The following CTNNA2 variants were observed in gnomAD, a reference collection of about 807,000 sequenced individuals.
CTNNA2 encodes the protein catenin alpha-2.
CTNNA2 carries 42 observed loss-of-function variants against 101.0 expected under a neutral mutation model. That is an observed-to-expected ratio of 0.42 (90% CI 0.32 to 0.54). The LOEUF is 0.54. Ranked by LOEUF, CTNNA2 falls within the 20% of genes least tolerant of loss-of-function variation. The pLI is 0.14. For missense variants in CTNNA2, 871 were observed against 1,223.1 expected (o/e 0.71, Z 4.29); for synonymous variants, 450 against 456.4 (o/e 0.99, Z 0.18).
chr2:79,422,511 G>C (rs964578389), intron 4 of CTNNA2, among the ~76,000 whole-genome samples: 5 of 152,134 alleles, frequency 3.3e-5, no homozygotes, highest in African/African-American at 1.2e-4. Context: ...AGAGGGAGCA[G>C]TCTTCCATGG....
intron 7 of CTNNA2, among the ~76,000 whole-genome samples, chr2:80,043,934 C>G (rs750052669): frequency 3.3e-5 from 5 of 152,082 alleles, no homozygotes; most frequent in Non-Finnish European, 7.3e-5. Flanking sequence ...TGCATGTATG[C>G]ACACTCATGT....
At chr2:79,626,456 C>T (rs1310786387) in intron 1 of CTNNA2, among the ~76,000 whole-genome samples, 1 of 152,128 alleles carries the variant, frequency 6.6e-6, no homozygotes, top group Non-Finnish European at 1.5e-5. Flanking sequence ...GTTCCGTTCA[C>T]CAAACTCTGA....
At position 79,984,303 on chromosome 2, in the gene CTNNA2, T is replaced by C. The variant is rs59842650; in HGVS notation, c.1056+74506T>C. Among the ~76,000 whole-genome samples the C allele has an allele frequency of 1.6e-4, 24 of 152,302 alleles. No individual in the cohort carries two copies. The East Asian group carries it at 3.7e-3, about 23-fold the overall frequency. On this transcript the variant is annotated intron_variant, in intron 7 of 18. Coordinates refer to ENST00000402739, the MANE Select transcript of CTNNA2 (RefSeq NM_001282597.3). ...ATTTTTTTCCCCACTGTCTCCACAT[T>C]GAGCAAGTTAGTGTTGTTCTGAGAA...
chr2:80,163,485 A>T (rs912487792), intron 7 of CTNNA2, among the ~76,000 whole-genome samples: 3 of 151,798 alleles, frequency 2.0e-5, no homozygotes, highest in African/African-American at 7.3e-5. Flanking sequence ...TATGATTTCA[A>T]TTTTTTTTAA....
At chr2:79,297,969 A>G (rs951421547) in intron 2 of CTNNA2, among the ~76,000 whole-genome samples, 7 of 152,178 alleles carry the variant, frequency 4.6e-5, no homozygotes, top group Non-Finnish European at 1.0e-4. Flanking sequence ...ATTTTGTGCA[A>G]TTGGTTCTCC....
Position 79,386,866 on chromosome 2 carries a change from A to G in CTNNA2, c.-135+12853A>G, listed in dbSNP as rs565147098. 8.5e-5 allele frequency among the ~76,000 whole-genome samples: 13 copies of G among 152,328 alleles called. No individual in the cohort carries two copies. In the South Asian group the frequency reaches 2.7e-3, roughly 32 times the overall value. On this transcript the variant is annotated intron_variant, in intron 4 of 21. Transcript: ENST00000466387. The stretch of plus-strand genomic sequence containing the variant: ...TCTTAACAGGCAGCAGAATCTTCAC[A>G]CATTCATCTTGGTTATCTAAGTATT...
At chr2:79,769,856 T>C (rs902227564) in intron 3 of CTNNA2, among the ~76,000 whole-genome samples, 11 of 152,216 alleles carry the variant, frequency 7.2e-5, no homozygotes, top group African/African-American at 1.4e-4. Context: ...TCATGTCCAA[T>C]AGAACTTTCT....
At chr2:79,692,069 C>A (rs188480121) in intron 2 of CTNNA2, among the ~76,000 whole-genome samples, 1 of 152,280 alleles carries the variant, frequency 6.6e-6, no homozygotes, top group Admixed American at 6.5e-5. Flanking sequence ...AAGAAACTAT[C>A]ACCAGAGTGA....
intron 7 of CTNNA2, among the ~76,000 whole-genome samples, chr2:80,187,212 A>C: frequency 6.6e-6 from 1 of 152,232 alleles, no homozygotes; most frequent in East Asian, 1.9e-4. Flanking sequence ...GATCACTGGC[A>C]GCAAACAGTA....
chr2:79,638,672 G>A (rs1261921724), intron 1 of CTNNA2, among the ~76,000 whole-genome samples: 1 of 152,110 alleles, frequency 6.6e-6, no homozygotes, highest in Non-Finnish European at 1.5e-5. Flanking sequence ...GCATGAGGCA[G>A]GTCTATTAGG....
At chr2:80,209,874 A>T (rs183163592) in intron 7 of CTNNA2, among the ~76,000 whole-genome samples, 110 of 152,300 alleles carry the variant, frequency 7.2e-4, no homozygotes, top group Middle Eastern at 3.4e-3. Flanking sequence ...CATTTTTTTG[A>T]TTACAAAAAT....
At chr2:79,646,727 C>T (rs567992564) in intron 1 of CTNNA2, among the ~76,000 whole-genome samples, 2 of 152,038 alleles carry the variant, frequency 1.3e-5, no homozygotes, top group East Asian at 3.9e-4. Flanking sequence ...ATTGGTCTCA[C>T]TATGTTGTCC....
intron 7 of CTNNA2, among the ~76,000 whole-genome samples, chr2:80,256,068 C>T (rs190460541): frequency 2.5e-3 from 384 of 152,182 alleles, no homozygotes; most frequent in South Asian, 6.0e-3. Context: ...GCCTTCTAAT[C>T]ACAGACAGCC....
chr2:79,758,148 G>T (rs187464015), intron 3 of CTNNA2, among the ~76,000 whole-genome samples: 1 of 152,152 alleles, frequency 6.6e-6, no homozygotes, highest in Non-Finnish European at 1.5e-5. Context: ...TGTTTGATTT[G>T]TGCATAAAAT....
intron 7 of CTNNA2, among the ~76,000 whole-genome samples, chr2:80,041,906 G>A (rs144211529): frequency 6.6e-6 from 1 of 152,220 alleles, no homozygotes; most frequent in African/African-American, 2.4e-5. Context: ...TCTCTCATGG[G>A]TTCAAAATAA....
intron 7 of CTNNA2, among the ~76,000 whole-genome samples, chr2:80,190,393 G>A (rs551997976): frequency 3.3e-5 from 5 of 152,188 alleles, no homozygotes; most frequent in Middle Eastern, 3.4e-3. Flanking sequence ...AACAGCATGC[G>A]GTTTGTATAG....
chr2:79,830,628 T>A (rs972075632), intron 3 of CTNNA2, among the ~76,000 whole-genome samples: 1 of 152,168 alleles, frequency 6.6e-6, no homozygotes, highest in African/African-American at 2.4e-5. Context: ...AGGAAGATAA[T>A]GAAAGCAATA....
chr2:80,244,753 C>G (rs771129488), intron 7 of CTNNA2, among the ~76,000 whole-genome samples: 1 of 152,144 alleles, frequency 6.6e-6, no homozygotes, highest in Non-Finnish European at 1.5e-5. Flanking sequence ...CAGGCAGTAT[C>G]TTAGGGTCAT....
chr2:80,406,329 C>A (rs1351212931), intron 8 of CTNNA2, among the ~76,000 whole-genome samples: 4 of 143,708 alleles, frequency 2.8e-5, no homozygotes, highest in Non-Finnish European at 6.0e-5. Context: ...AGCAAAACTC[C>A]TTCTCGAAAA....
Sources: gnomAD v4.1 joint callset for allele counts (sites outside exome capture counted in the v4.1 genomes callset) on GRCh38, gnomAD v4.1.1 for gene constraint, MANE v1.5 for transcripts, NCBI Gene and HGNC (gene_info 2026-07-23, HGNC 2026-07-21) for gene names.